The following TMCO5A variants were observed in gnomAD, a reference collection of about 807,000 sequenced individuals.
TMCO5A encodes transmembrane and coiled-coil domain-containing protein 5A.
Under a neutral mutation model 42.3 loss-of-function variants are expected in TMCO5A, and 34 were observed. The ratio of observed to expected loss-of-function variants is 0.80; its 90% CI spans 0.61 to 1.07. The LOEUF (loss-of-function observed/expected upper bound fraction) is 1.07. TMCO5A is among the 50% of genes least tolerant of loss of function. The pLI, the probability that TMCO5A is intolerant of heterozygous loss-of-function variation, is 0.00. For synonymous variants in TMCO5A, 131 were observed against 115.6 expected (o/e 1.13, Z -0.86); for missense variants, 357 against 327.9 (o/e 1.09, Z -0.69).
the TMCO5A span, among the ~76,000 whole-genome samples, chr15:38,028,404 A>C: frequency 6.6e-6 from 1 of 152,200 alleles, no homozygotes; most frequent in Admixed American, 6.5e-5. Flanking sequence ...GTAAGTTACT[A>C]GCTCCACATT....
chr15:38,014,853 TTATATATATA>T, the TMCO5A span, among the ~76,000 whole-genome samples: 177 of 54,630 alleles, frequency 3.2e-3, 1 homozygote, highest in East Asian at 8.0e-3. Flanking sequence ...AGGAGAAAGA[TTATATATATA>T]TATATATATA....
chr15:38,038,112 C>T, the TMCO5A span, among the ~76,000 whole-genome samples: 2 of 152,092 alleles, frequency 1.3e-5, no homozygotes, highest in Non-Finnish European at 2.9e-5. Flanking sequence ...TTTGCTCCAT[C>T]AGAGTGTAAT....
At chr15:38,007,476 A>G in the TMCO5A span, among the ~76,000 whole-genome samples, 2 of 152,238 alleles carry the variant, frequency 1.3e-5, no homozygotes, top group Admixed American at 1.3e-4. Flanking sequence ...TTAAAATTAA[A>G]AAAGATCTGT....
At chr15:38,012,523 CGTGTGT>C in the TMCO5A span, among the ~76,000 whole-genome samples, 1 of 149,216 alleles carries the variant, frequency 6.7e-6, no homozygotes, top group Non-Finnish European at 1.5e-5. Flanking sequence ...TAGGAGTAGT[CGTGTGT>C]GTGTGTGTGT....
intron 11 of TMCO5A, among the ~76,000 whole-genome samples, chr15:37,959,658 A>G (rs1890373411): frequency 6.6e-6 from 1 of 152,060 alleles, no homozygotes; most frequent in Non-Finnish European, 1.5e-5. Flanking sequence ...AAAAGCCCTC[A>G]AAGAACTGGA....
At chr15:38,002,088 T>C in the TMCO5A span, among the ~76,000 whole-genome samples, 1 of 152,170 alleles carries the variant, frequency 6.6e-6, no homozygotes, top group Non-Finnish European at 1.5e-5. Context: ...ATTTAGCATT[T>C]CTTGTAGGAC....
At chr15:37,995,129 C>A in the TMCO5A span, among the ~76,000 whole-genome samples, 1 of 152,066 alleles carries the variant, frequency 6.6e-6, no homozygotes, top group Non-Finnish European at 1.5e-5. Context: ...CACATACCAG[C>A]CAATCTGGAA....
At chr15:37,984,755 C>T in the TMCO5A span, 2 of 147,198 alleles carry the variant, frequency 1.4e-5, no homozygotes, top group East Asian at 4.0e-4. Context: ...AACAAGCTGC[C>T]CTCTTGGAAG....
chr15:37,954,844 T>C (rs1294069793), downstream of TMCO5A, among the ~76,000 whole-genome samples: 2 of 152,126 alleles, frequency 1.3e-5, no homozygotes, highest in Non-Finnish European at 2.9e-5. Context: ...TCTTTTTTCA[T>C]GTTTGTTTAT....
downstream of TMCO5A, among the ~76,000 whole-genome samples, chr15:37,953,205 G>A (rs1254893109): frequency 1.3e-5 from 2 of 152,146 alleles, no homozygotes. Context: ...AGCCCCCAGG[G>A]CCTTGAGTGA....
intron 6 of TMCO5A, 80 bp downstream of exon 6, chr15:37,938,309 C>A: frequency 1.6e-6 from 2 of 1,216,596 alleles, no homozygotes; most frequent in Non-Finnish European, 2.3e-6. Context: ...TCAATGTCAA[C>A]GTTGTGACAA....
At chr15:37,953,753 A>T (rs1890218578), downstream of TMCO5A, among the ~76,000 whole-genome samples, 1 of 152,122 alleles carries the variant, frequency 6.6e-6, no homozygotes, top group South Asian at 2.1e-4. Context: ...AAACAGAGAT[A>T]TGTGACCTTT....
chr15:38,025,742 C>T, the TMCO5A span, among the ~76,000 whole-genome samples: 2 of 152,082 alleles, frequency 1.3e-5, no homozygotes, highest in South Asian at 2.1e-4. Flanking sequence ...TCCACATGTC[C>T]CCATCCCAAT....
intron 7 of TMCO5A, among the ~76,000 whole-genome samples, 158 bp from the exon 8 acceptor site, chr15:37,941,513 A>T (rs150100874): frequency 6.6e-6 from 1 of 152,238 alleles, no homozygotes; most frequent in Non-Finnish European, 1.5e-5. Flanking sequence ...TTTACCCTAA[A>T]AAAAGGAAAT....
the TMCO5A span, among the ~76,000 whole-genome samples, chr15:38,005,395 CAA>C: frequency 0.021 from 903 of 43,964 alleles, 9 homozygotes; most frequent in African/African-American, 0.072. Flanking sequence ...CCATCTCTAC[CAA>C]AAAAAAAAAA....
the TMCO5A span, among the ~76,000 whole-genome samples, chr15:38,004,996 G>A: frequency 1.3e-5 from 2 of 152,096 alleles, no homozygotes; most frequent in African/African-American, 4.8e-5. Flanking sequence ...CTATTAGACA[G>A]AATTCTCATG....
downstream of TMCO5A, among the ~76,000 whole-genome samples, chr15:37,970,271 T>C (rs1890649125): frequency 6.6e-6 from 1 of 152,180 alleles, no homozygotes; most frequent in Admixed American, 6.5e-5. Context: ...GAAAGTCATG[T>C]CTCACATGGT....
downstream of TMCO5A, among the ~76,000 whole-genome samples, chr15:37,971,965 C>T (rs1335828347): frequency 1.3e-5 from 2 of 152,208 alleles, no homozygotes; most frequent in Admixed American, 6.5e-5. Flanking sequence ...ACTGTTCCAA[C>T]CTCTGCCTGT....
downstream of TMCO5A, among the ~76,000 whole-genome samples, chr15:37,953,323 G>C (rs1890206820): frequency 6.6e-6 from 1 of 152,186 alleles, no homozygotes; most frequent in Non-Finnish European, 1.5e-5. Flanking sequence ...TTTGGCCACA[G>C]AGGTACTTGT....
Sources: gnomAD v4.1 joint callset for allele counts (sites outside exome capture counted in the v4.1 genomes callset) on GRCh38, gnomAD v4.1.1 for gene constraint, MANE v1.5 for transcripts, NCBI Gene and HGNC (gene_info 2026-07-23, HGNC 2026-07-21) for gene names.